GALNTL6: variants seen among roughly 807,000 people sequenced by gnomAD.
The protein encoded by GALNTL6 is polypeptide N-acetylgalactosaminyltransferase-like 6.
In GALNTL6, 46 loss-of-function variants were observed where a neutral mutation model predicts 73.7. The ratio of observed to expected loss-of-function variants is 0.62; its 90% CI spans 0.49 to 0.80. GALNTL6 has a LOEUF of 0.80. Ranked by LOEUF, GALNTL6 falls within the 30% of genes least tolerant of loss-of-function variation. The pLI, the probability that GALNTL6 is intolerant of heterozygous loss-of-function variation, is 0.00. For missense variants in GALNTL6, 604 were observed against 755.0 expected, an observed-to-expected ratio of 0.80 and a Z score of 2.34; for synonymous variants, 259 against 263.7, an observed-to-expected ratio of 0.98 and a Z score of 0.17.
At chr4:171,870,391 G>A (rs1484626450) in intron 2 of GALNTL6, among the ~76,000 whole-genome samples, 1 of 152,156 alleles carries the variant, frequency 6.6e-6, no homozygotes, top group African/African-American at 2.4e-5. Context: ...TAGATCAAAT[G>A]TACCCATGCC....
intron 5 of GALNTL6, chr4:172,379,962 G>A (rs997004496): frequency 6.1e-5 from 46 of 755,002 alleles, no homozygotes; most frequent in Non-Finnish European, 9.0e-5. Context: ...TCCATTAAAT[G>A]TAAACCAAAA....
chr4:171,959,178 T>C (rs1243241907), intron 2 of GALNTL6, among the ~76,000 whole-genome samples: 1 of 152,158 alleles, frequency 6.6e-6, no homozygotes, highest in Non-Finnish European at 1.5e-5. Context: ...ATTGTACCAT[T>C]ACAAAATATG....
chr4:172,677,180 T>A (rs1157906853), intron 5 of GALNTL6, among the ~76,000 whole-genome samples: 3 of 152,210 alleles, frequency 2.0e-5, no homozygotes, highest in Non-Finnish European at 2.9e-5. Context: ...AAGAAACTGA[T>A]CTATCAAGAA....
chr4:172,942,068 G>A (rs1734371594), intron 9 of GALNTL6, among the ~76,000 whole-genome samples: 1 of 152,182 alleles, frequency 6.6e-6, no homozygotes, highest in African/African-American at 2.4e-5. Context: ...ACAGAAAGTA[G>A]TTCTAGTTGC....
chr4:172,760,735 T>C (rs1738034866), intron 5 of GALNTL6, among the ~76,000 whole-genome samples: 1 of 152,056 alleles, frequency 6.6e-6, no homozygotes, highest in Non-Finnish European at 1.5e-5. Flanking sequence ...GTGAGTTCTG[T>C]CTTCTAGGAG....
chr4:172,931,024 G>A, intron 8 of GALNTL6, 137 bp from the exon 9 acceptor site: 1 of 640,684 alleles, frequency 1.6e-6, no homozygotes, highest in Non-Finnish European at 2.8e-6. Flanking sequence ...TTTCTTTTCT[G>A]GTTAGCCATT....
intron 3 of GALNTL6, 25 bp downstream of exon 3, chr4:172,229,789 G>C (rs1284648043): frequency 7.1e-7 from 1 of 1,409,326 alleles, no homozygotes; most frequent in Non-Finnish European, 1.0e-6. Context: ...GTACGCCAAA[G>C]TGCTATTTCA....
chr4:172,950,433 CTCTG>C (rs1475997281), intron 9 of GALNTL6, among the ~76,000 whole-genome samples: 8 of 152,308 alleles, frequency 5.3e-5, no homozygotes, highest in Non-Finnish European at 1.0e-4. Context: ...TTCTTTGTGG[CTCTG>C]TCTCTTTTCT....
intron 8 of GALNTL6, among the ~76,000 whole-genome samples, chr4:172,901,549 G>A (rs1406082483): frequency 3.9e-5 from 6 of 152,100 alleles, no homozygotes; most frequent in Non-Finnish European, 8.8e-5. Flanking sequence ...ATTAAGTCCA[G>A]AACTTAAGTG....
chr4:172,069,605 TTA>T lies in GALNTL6; in HGVS notation c.139-160040_139-160039del, dbSNP rs201928502. ...ATATTATATATATAACACATATATG[TTA>T]TATATATATAACATATATATATATC... On this transcript the variant is annotated intron_variant, in intron 2 of 12. Transcript: ENST00000506823. Among the ~76,000 whole-genome samples the T allele has an allele frequency of 5.1e-3, 69 of 13,400 alleles. 24 individuals are homozygous for T. The East Asian group carries it at 0.17, about 32-fold the overall frequency. The allele number at this position is 13,400 out of a possible 152,430, so 8.8% of individuals were successfully genotyped here.
chr4:172,571,873 CT>C (rs1312043742), intron 5 of GALNTL6, among the ~76,000 whole-genome samples: 1 of 152,194 alleles, frequency 6.6e-6, no homozygotes, highest in African/African-American at 2.4e-5. Context: ...CGTTTTCTCA[CT>C]CAAATGGTTG....
intron 2 of GALNTL6, among the ~76,000 whole-genome samples, chr4:171,911,699 C>A (rs1022639212): frequency 4.6e-5 from 7 of 152,224 alleles, no homozygotes; most frequent in South Asian, 4.1e-4. Context: ...TCCCAACTGT[C>A]CATATTATCA....
In GALNTL6 at chr4:172,654,947, T is replaced by A. The variant is rs190078351; in HGVS notation, c.554-154414T>A. 9.4e-4 allele frequency among the ~76,000 whole-genome samples: 143 copies of A among 152,228 alleles called. 1 individual carries two copies. Among genetic ancestry groups the A allele is most frequent in the African/African-American group, 3.1e-3 (130 of 41,520 alleles). On this transcript the variant is annotated intron_variant, in intron 5 of 12. Transcript: ENST00000506823. ...ATCATAACTTTACCTATTTTACAGA[T>A]GAAGAAAATGAGACATTGAGAGGTT... is the stretch of plus-strand genomic sequence containing the variant.
At chr4:172,032,837 T>G (rs1741810075) in intron 2 of GALNTL6, among the ~76,000 whole-genome samples, 1 of 152,046 alleles carries the variant, frequency 6.6e-6, no homozygotes, top group Non-Finnish European at 1.5e-5. Flanking sequence ...GGTTTAAAAT[T>G]TTTAGTATGA....
In GALNTL6 at chr4:172,860,050, C is replaced by T. The variant is rs558483436; in HGVS notation, c.924-22740C>T. On this transcript the variant is annotated intron_variant, in intron 7 of 12. Transcript: ENST00000506823. ...ATAAATGTAATGCACTCAAATCATC[C>T]CCATACCCCCTTGACTTTGGTCTGT... Among the ~76,000 whole-genome samples, 137 of 152,236 alleles carry T rather than the reference C, an allele frequency of 9.0e-4. 1 individual carries two copies. The highest frequency in any genetic ancestry group is 3.2e-3 in the African/African-American group (135 of 41,540).
intron 7 of GALNTL6, among the ~76,000 whole-genome samples, chr4:172,841,705 C>G (rs766645062): frequency 5.9e-5 from 9 of 152,146 alleles, no homozygotes; most frequent in Non-Finnish European, 1.2e-4. Flanking sequence ...AATCCACTCA[C>G]TATCGCAAGA....
chr4:171,941,816 A>G (rs1413579187), intron 2 of GALNTL6, among the ~76,000 whole-genome samples: 2 of 152,208 alleles, frequency 1.3e-5, no homozygotes, highest in South Asian at 2.1e-4. Flanking sequence ...AAAGAGGTAT[A>G]TGGCTTTATT....
intron 2 of GALNTL6, among the ~76,000 whole-genome samples, chr4:172,053,302 C>G (rs943186294): frequency 6.6e-6 from 1 of 151,996 alleles, no homozygotes; most frequent in Non-Finnish European, 1.5e-5. Context: ...CACAATAATA[C>G]AGGGGATCAA....
At chr4:172,164,836 T>A (rs1042935946) in intron 2 of GALNTL6, among the ~76,000 whole-genome samples, 3 of 152,104 alleles carry the variant, frequency 2.0e-5, no homozygotes, top group African/African-American at 7.2e-5. Flanking sequence ...ATATTATTAG[T>A]TAGGCTCTTC....
Sources: allele counts gnomAD v4.1 joint callset (sites outside exome capture counted in the v4.1 genomes callset), GRCh38; gene constraint gnomAD v4.1.1; transcripts MANE v1.5; gene names NCBI Gene and HGNC (gene_info 2026-07-23, HGNC 2026-07-21).